Variants in PLBD1 observed in about 807,000 individuals in gnomAD.
PLBD1 encodes phospholipase B domain containing 1, also known as lysosomal leucine aminopeptidase.
A neutral mutation model predicts 63.0 loss-of-function variants in PLBD1; 60 were observed. That is an observed-to-expected ratio of 0.95 (90% CI 0.77 to 1.18). PLBD1 has a LOEUF of 1.18. Ranked by LOEUF, PLBD1 falls within the 50% of genes most tolerant of loss-of-function variation. The pLI is 0.00. For synonymous variants in PLBD1, 262 were observed against 248.0 expected, an observed-to-expected ratio of 1.06 and a Z score of -0.53; for missense variants, 598 against 677.9, an observed-to-expected ratio of 0.88 and a Z score of 1.31.
At chr12:14,540,362 T>A (rs1259910062) in intron 4 of PLBD1, among the ~76,000 whole-genome samples, 2 of 151,880 alleles carry the variant, frequency 1.3e-5, no homozygotes, top group East Asian at 3.9e-4. Flanking sequence ...AATGTATATG[T>A]GTTTGTGTGG....
intron 1 of PLBD1, among the ~76,000 whole-genome samples, chr12:14,566,275 A>C (rs534204987): frequency 2.7e-4 from 41 of 152,296 alleles, no homozygotes; most frequent in African/African-American, 9.9e-4. Context: ...GCCTGTGGGT[A>C]CATCTGATCC....
chr12:14,540,051 T>TACACAC (rs1431406731), intron 4 of PLBD1, among the ~76,000 whole-genome samples: 1,925 of 74,420 alleles, frequency 0.026, 26 homozygotes, highest in East Asian at 0.057. Flanking sequence ...TATATATATA[T>TACACAC]ATACACACAC....
intron 8 of PLBD1, among the ~76,000 whole-genome samples, chr12:14,508,600 C>A (rs1368444465): frequency 2.0e-5 from 3 of 151,920 alleles, no homozygotes; most frequent in African/African-American, 7.3e-5. Flanking sequence ...AAGACCCTGC[C>A]TCCACTAAAA....
At chr12:14,542,352 G>T in intron 2 of PLBD1, 61 bp from the exon 3 acceptor site, 2 of 1,316,680 alleles carry the variant, frequency 1.5e-6, no homozygotes, top group Non-Finnish European at 2.2e-6. Flanking sequence ...CTCCATCACA[G>T]TAAATTATTC....
At chr12:14,531,581 T>A (rs1427302412) in intron 6 of PLBD1, among the ~76,000 whole-genome samples, 1 of 152,192 alleles carries the variant, frequency 6.6e-6, no homozygotes, top group Non-Finnish European at 1.5e-5. Flanking sequence ...TAGATCGACA[T>A]GTTTTCTGTT....
chr12:14,540,106 T>TTTTATATATATATATATATATATA lies in PLBD1; in HGVS notation c.558+657_558+658insTATATATATATATATATATATAAA, dbSNP rs71448876. 5.7e-3 allele frequency among the ~76,000 whole-genome samples: 366 copies of TTTTATATATATATATATATATATA among 63,958 alleles called. 40 individuals are homozygous for TTTTATATATATATATATATATATA. Among genetic ancestry groups the TTTTATATATATATATATATATATA allele is most frequent in the Admixed American group, 8.0e-3 (35 of 4,388 alleles). 42.0% of individuals were successfully genotyped at this position (63,958 alleles called of 152,430 possible). A position where few individuals can be genotyped will look rare whatever the true frequency, so the allele number is the denominator to read the frequency against. Reference sequence around the variant, plus strand: ...AAAAGAGAGTTATATAATATAAATATTATTTATATATATATATATATATAT... The same window carrying TTTTATATATATATATATATATATA: ...AAAAGAGAGTTATATAATATAAATATTTTATATATATATATATATATATATATTTATATATATATATATATATAT... On this transcript the variant is annotated intron_variant, in intron 4 of 10. Transcript: ENST00000240617.
intron 6 of PLBD1, among the ~76,000 whole-genome samples, chr12:14,534,571 T>C (rs1945496182): frequency 6.9e-6 from 1 of 144,990 alleles, no homozygotes; most frequent in African/African-American, 2.6e-5. Flanking sequence ...TGAGACGGAG[T>C]CTCGCTCTGT....
At chr12:14,504,450 T>C (rs1945234126) in intron 10 of PLBD1, among the ~76,000 whole-genome samples, 2 of 152,238 alleles carry the variant, frequency 1.3e-5, no homozygotes, top group African/African-American at 4.8e-5. Flanking sequence ...ACTAGAAGTG[T>C]GTGAAATGAA....
intron 10 of PLBD1, 116 bp from the exon 11 acceptor site, chr12:14,504,070 T>C: frequency 1.0e-6 from 1 of 1,001,806 alleles, no homozygotes; most frequent in South Asian, 1.7e-5. Context: ...TTTTTTTGAG[T>C]CGGAGTTTCG....
chr12:14,549,352 A>T (rs1488230606), intron 2 of PLBD1, among the ~76,000 whole-genome samples: 2 of 152,236 alleles, frequency 1.3e-5, no homozygotes, highest in African/African-American at 4.8e-5. Context: ...AAAAAGGTTC[A>T]TCAAGAAGAC....
intron 1 of PLBD1, among the ~76,000 whole-genome samples, chr12:14,558,288 T>G (rs538389167): frequency 1.3e-5 from 2 of 152,178 alleles, no homozygotes; most frequent in South Asian, 4.1e-4. Context: ...GTAATGGCAT[T>G]AAGAAATAGG....
intron 10 of PLBD1, among the ~76,000 whole-genome samples, chr12:14,504,713 A>C (rs912289804): frequency 1.8e-4 from 28 of 152,330 alleles, no homozygotes; most frequent in African/African-American, 6.7e-4. Flanking sequence ...AAGTAGATAG[A>C]GCTCACTGTC....
At chr12:14,511,157 CAT>C in intron 8 of PLBD1, 101 bp downstream of exon 8, 1 of 1,120,782 alleles carries the variant, frequency 8.9e-7, no homozygotes, top group Non-Finnish European at 1.2e-6. Flanking sequence ...TCTTCCCCAC[CAT>C]ACCCTCCCCC....
intron 5 of PLBD1, 33 bp from the exon 6 acceptor site, chr12:14,535,836 G>A: frequency 2.5e-6 from 4 of 1,598,128 alleles, no homozygotes; most frequent in South Asian, 1.1e-5. Flanking sequence ...TTACACAGAT[G>A]TACATAGCTA....
At chr12:14,548,770 C>T (rs1945635558) in intron 2 of PLBD1, among the ~76,000 whole-genome samples, 1 of 152,168 alleles carries the variant, frequency 6.6e-6, no homozygotes, top group Non-Finnish European at 1.5e-5. Context: ...TCTTCCTATC[C>T]TCAGTGCCAC....
chr12:14,518,507 G>A (rs1725958011), intron 6 of PLBD1, among the ~76,000 whole-genome samples: 1 of 151,986 alleles, frequency 6.6e-6, no homozygotes, highest in African/African-American at 2.4e-5. Context: ...TCAAATCTAG[G>A]GTATGAAAGG....
At chr12:14,536,171 C>G (rs117185805) in intron 5 of PLBD1, 6,312 of 245,350 alleles carry the variant, frequency 0.026, 130 homozygotes, top group Non-Finnish European at 0.037. Flanking sequence ...TGGTGGCACA[C>G]CCATGTAGTC....
In PLBD1 at chr12:14,553,607, C is replaced by T. The variant is rs562261894; in HGVS notation, c.116-195G>A. The stretch of plus-strand genomic sequence containing the variant: ...GAATCCCAATCAAGGGGGATAAGCC[C>T]AAAACACAAAGAGCAAGGTCAAAGG... On this transcript the variant is annotated intron_variant, in intron 1 of 10. Coordinates refer to ENST00000240617, the MANE Select transcript of PLBD1 (RefSeq NM_024829.6). 3 of 606,362 alleles carry T rather than the reference C, an allele frequency of 4.9e-6. No homozygotes were observed. The African/African-American group carries it at 5.6e-5, about 11-fold the overall frequency. The allele number at this position is 606,362 out of a possible 1,614,324, so 37.6% of individuals were successfully genotyped here.
At chr12:14,527,638 A>G (rs1286970205) in intron 6 of PLBD1, among the ~76,000 whole-genome samples, 1 of 152,216 alleles carries the variant, frequency 6.6e-6, no homozygotes, top group Non-Finnish European at 1.5e-5. Context: ...TGCAGTTGCT[A>G]GTACTACACA....
Sources: gnomAD v4.1 joint callset for allele counts (sites outside exome capture counted in the v4.1 genomes callset) on GRCh38, gnomAD v4.1.1 for gene constraint, MANE v1.5 for transcripts, NCBI Gene and HGNC (gene_info 2026-07-23, HGNC 2026-07-21) for gene names.